The following DGKI variants were observed in gnomAD, a reference collection of about 807,000 sequenced individuals.
The protein encoded by DGKI is diacylglycerol kinase iota, also known as DAG kinase iota.
Under a neutral mutation model 147.5 loss-of-function variants are expected in DGKI, and 55 were observed. The ratio of observed to expected loss-of-function variants is 0.37; its 90% CI spans 0.30 to 0.47. The LOEUF is 0.47. Ranked by LOEUF, DGKI falls within the 20% of genes least tolerant of loss-of-function variation. The pLI is 1.00. For missense variants in DGKI, 1,007 were observed against 1,323.8 expected (o/e 0.76, Z 3.71); for synonymous variants, 469 against 477.1 (o/e 0.98, Z 0.22).
rs368608298 is a variant in DGKI, at chr7:137,469,437, C to T, written c.2443+113G>A. ...TGCCAATACCAGCCATGTGGAGTCA[C>T]ATGAAGGCTTTCTGAATAATCTTTT... On this transcript the variant is annotated intron_variant, in intron 24 of 32. Coordinates refer to ENST00000614521, the MANE Select transcript of DGKI (RefSeq NM_001321708.2). 3.8e-5 allele frequency: 40 copies of T among 1,053,198 alleles called. 1 individual carries two copies. In the African/African-American group the frequency reaches 5.9e-4, roughly 16 times the overall value. The allele number at this position is 1,053,198 out of a possible 1,614,324, so 65.2% of individuals were successfully genotyped here.
chr7:137,754,526 T>C lies in DGKI; in HGVS notation c.402-64524A>G, dbSNP rs1472000788. ...GCAGCAAGGGACGTTTGTTTTACCC[T>C]TTTCATTCGGAGCTGTCACTGTGCG... is the stretch of plus-strand genomic sequence containing the variant. On this transcript the variant is annotated intron_variant, in intron 1 of 32. Transcript: ENST00000614521. Among the ~76,000 whole-genome samples the C allele has an allele frequency of 5.9e-5, 9 of 152,172 alleles. No homozygotes were observed. The East Asian group carries it at 1.7e-3, about 29-fold the overall frequency.
intron 22 of DGKI, among the ~76,000 whole-genome samples, chr7:137,486,694 AC>A (rs763389717): frequency 7.2e-5 from 11 of 152,164 alleles, no homozygotes; most frequent in Non-Finnish European, 1.6e-4. Context: ...ATTTATTTCT[AC>A]CAAGAGAAAC....
At chr7:137,394,570 G>A (rs750199472) in intron 32 of DGKI, among the ~76,000 whole-genome samples, 23 of 152,126 alleles carry the variant, frequency 1.5e-4, no homozygotes, top group African/African-American at 5.3e-4. Context: ...AACTCGTGGT[G>A]CAGCTTGTTC....
chr7:137,463,659 C>T (rs1231237203), intron 26 of DGKI, 48 bp from the exon 27 acceptor site: 9 of 1,590,960 alleles, frequency 5.7e-6, no homozygotes, highest in South Asian at 2.2e-5. Context: ...AAGTCAGCCA[C>T]GTGACTTCGT....
intron 4 of DGKI, among the ~76,000 whole-genome samples, chr7:137,655,209 T>C (rs1223468325): frequency 6.6e-6 from 1 of 151,836 alleles, no homozygotes; most frequent in African/African-American, 2.4e-5. Context: ...TTCTTTTTTT[T>C]TTTTTTTGAG....
At position 137,811,382 on chromosome 7, in the gene DGKI, TCTCACACACA is replaced by T. The variant is rs370775915; in HGVS notation, c.401+35070_401+35079del. Among the ~76,000 whole-genome samples, 852 of 98,536 alleles carry T rather than the reference TCTCACACACA, an allele frequency of 8.6e-3. 13 individuals carry two copies. Among genetic ancestry groups the T allele is most frequent in the African/African-American group, 0.032 (790 of 24,908 alleles). The allele number at this position is 98,536 out of a possible 152,430, so 64.6% of individuals were successfully genotyped here. A position where few individuals can be genotyped will look rare whatever the true frequency, so the allele number is the denominator to read the frequency against. ...CTCTCTCCCTCTCTCTCTCTCTCTC[TCTCACACACA>T]CACACACACACACACACACACACAC... On this transcript the variant is annotated intron_variant, in intron 1 of 32. Coordinates refer to ENST00000614521, the MANE Select transcript of DGKI (RefSeq NM_001321708.2).
rs1585168051 is a variant in DGKI, at chr7:137,493,310, A to C, written c.2249-5621T>G. ...ATTACTGCCACTTGCAAATGCCTGTATGGAGGCTGGAAGCCCCTGGCTCAC... is the reference window on the plus strand; with the variant it reads ...ATTACTGCCACTTGCAAATGCCTGTCTGGAGGCTGGAAGCCCCTGGCTCAC... On this transcript the variant is annotated intron_variant, in intron 21 of 32. Coordinates refer to ENST00000614521, the MANE Select transcript of DGKI (RefSeq NM_001321708.2). Among the ~76,000 whole-genome samples, 5 of 152,320 alleles carry C rather than the reference A, an allele frequency of 3.3e-5. No individual in the cohort carries two copies. In the East Asian group the frequency reaches 9.7e-4, roughly 29 times the overall value.
intron 14 of DGKI, among the ~76,000 whole-genome samples, chr7:137,584,532 C>A (rs546008623): frequency 6.6e-6 from 1 of 152,236 alleles, no homozygotes; most frequent in Admixed American, 6.5e-5. Context: ...ACAATAGATA[C>A]TGGGGACCAC....
chr7:137,713,161 T>C (rs1794268078), intron 1 of DGKI, among the ~76,000 whole-genome samples: 1 of 152,202 alleles, frequency 6.6e-6, no homozygotes, highest in Non-Finnish European at 1.5e-5. Context: ...TAAGAGCAAG[T>C]TGATAAGTTG....
intron 3 of DGKI, among the ~76,000 whole-genome samples, chr7:137,665,757 G>A (rs563084903): frequency 9.9e-5 from 15 of 151,972 alleles, no homozygotes; most frequent in Admixed American, 2.0e-4. Flanking sequence ...GAACCAGAAA[G>A]AAAAAGTTGT....
chr7:137,729,420 G>T (rs1017428887), intron 1 of DGKI, among the ~76,000 whole-genome samples: 5 of 152,080 alleles, frequency 3.3e-5, no homozygotes, highest in African/African-American at 1.2e-4. Flanking sequence ...AGAAATAAGG[G>T]CATCTGCTTT....
chr7:137,521,907 T>G lies in DGKI; in HGVS notation c.2207A>C (p.Tyr736Ser), dbSNP rs141664688. ...IRVNKISLQD[Y>S]EGFHYDKEKL... ...CTCCTTGTCATAGTGGAATCCTTCA[T>G]AGTCTTGTAAACTGATTTTGTTCAC... The change falls in exon 21 of 33, where the codon TAT (tyrosine) becomes TCT (serine). Residue 736 changes from tyrosine to serine, a missense_variant. Physicochemically the swap from Tyr to Ser is moderately radical, Grantham distance 144. This residue lies in a region of DGKI where 385 missense variants were observed against 445.2 expected (regional missense o/e 0.86). Coordinates refer to ENST00000614521, the MANE Select transcript of DGKI (RefSeq NM_001321708.2). 6 of 1,612,092 alleles carry G rather than the reference T, an allele frequency of 3.7e-6. No homozygotes were observed. In the African/African-American group the frequency reaches 5.3e-5, roughly 14 times the overall value.
At chr7:137,703,716 CA>C (rs1423640993) in intron 1 of DGKI, among the ~76,000 whole-genome samples, 2 of 152,064 alleles carry the variant, frequency 1.3e-5, no homozygotes, top group African/African-American at 4.8e-5. Flanking sequence ...GCAGCAATGA[CA>C]ATACTACAAT....
intron 11 of DGKI, among the ~76,000 whole-genome samples, chr7:137,598,490 C>T (rs1819876246): frequency 1.3e-5 from 2 of 152,174 alleles, no homozygotes; most frequent in South Asian, 4.1e-4. Context: ...TTACACACCA[C>T]TTACACCTCC....
Position 137,401,083 on chromosome 7 carries a change from C to T in DGKI, c.2921-3670G>A, listed in dbSNP as rs771045395. On this transcript the variant is annotated intron_variant, in intron 30 of 32. Coordinates refer to ENST00000614521, the MANE Select transcript of DGKI (RefSeq NM_001321708.2). Reference sequence around the variant, plus strand: ...CTTCTCCTTATTTGAACCTGCACTGCCCAATGGGGAGCTATGCTTTAACTG... The same window carrying T: ...CTTCTCCTTATTTGAACCTGCACTGTCCAATGGGGAGCTATGCTTTAACTG... Among the ~76,000 whole-genome samples, 9 of 152,144 alleles carry T rather than the reference C, an allele frequency of 5.9e-5. No homozygotes were observed. In the South Asian group the frequency reaches 8.3e-4, roughly 14 times the overall value.
At chr7:137,689,651 G>T (rs1823536471) in intron 2 of DGKI, among the ~76,000 whole-genome samples, 1 of 152,206 alleles carries the variant, frequency 6.6e-6, no homozygotes, top group Non-Finnish European at 1.5e-5. Context: ...TCTTACAGCT[G>T]CAGTAATACT....
At chr7:137,709,581 T>C (rs1794154711) in intron 1 of DGKI, among the ~76,000 whole-genome samples, 1 of 152,168 alleles carries the variant, frequency 6.6e-6, no homozygotes, top group Non-Finnish European at 1.5e-5. Context: ...GCAATCCAAA[T>C]ACTTAGTATA....
intron 1 of DGKI, among the ~76,000 whole-genome samples, chr7:137,698,479 G>T (rs1167285561): frequency 6.6e-6 from 1 of 152,142 alleles, no homozygotes; most frequent in African/African-American, 2.4e-5. Context: ...TAAGGTAAAA[G>T]AACAAGACTC....
chr7:137,811,111 T>C (rs558037461), intron 1 of DGKI, among the ~76,000 whole-genome samples: 34 of 152,246 alleles, frequency 2.2e-4, no homozygotes, highest in Admixed American at 7.2e-4. Context: ...TGGTGTGCTA[T>C]TGGAAGATGC....
Sources: gnomAD v4.1 joint callset for allele counts (sites outside exome capture counted in the v4.1 genomes callset) on GRCh38, gnomAD v4.1.1 for gene constraint, gnomAD v4.1.1 regional missense constraint, MANE v1.5 for transcripts, NCBI Gene and HGNC (gene_info 2026-07-23, HGNC 2026-07-21) for gene names.